The following ALK variants were observed in gnomAD, a reference collection of about 807,000 sequenced individuals.
ALK encodes the protein ALK tyrosine kinase receptor.
A neutral mutation model predicts 163.1 loss-of-function variants in ALK; 74 were observed. That is an observed-to-expected ratio of 0.45 (90% confidence interval 0.38 to 0.55). ALK has a LOEUF of 0.55. Ranked by LOEUF, ALK falls within the 20% of genes least tolerant of loss-of-function variation. The pLI is 0.00. For synonymous variants in ALK, 960 were observed against 843.2 expected (o/e 1.14, Z -2.40); for missense variants, 2,063 against 2,105.3 (o/e 0.98, Z 0.39).
At chr2:29,633,169 A>G (rs1676426780) in intron 3 of ALK, among the ~76,000 whole-genome samples, 1 of 85,246 alleles carries the variant, frequency 1.2e-5, no homozygotes, top group African/African-American at 3.3e-5. Context: ...TAAGTCCATG[A>G]TGATCCTCAT....
At chr2:29,355,149 T>G (rs1327479276) in intron 5 of ALK, among the ~76,000 whole-genome samples, 3 of 152,220 alleles carry the variant, frequency 2.0e-5, no homozygotes, top group Non-Finnish European at 4.4e-5. Flanking sequence ...GGCCGACTCA[T>G]GAGCATTTAG....
intron 1 of ALK, among the ~76,000 whole-genome samples, chr2:29,824,073 A>T (rs1332223738): frequency 6.6e-6 from 1 of 152,196 alleles, no homozygotes; most frequent in Non-Finnish European, 1.5e-5. Context: ...TCCAGTCATG[A>T]CTAACAGGAG....
chr2:29,890,208 A>T (rs1667108876), intron 1 of ALK, among the ~76,000 whole-genome samples: 1 of 152,190 alleles, frequency 6.6e-6, no homozygotes, highest in South Asian at 2.1e-4. Flanking sequence ...ACCATGTGCC[A>T]CTAGAATGAA....
At chr2:29,201,304 A>G (rs761087481) in intron 26 of ALK, among the ~76,000 whole-genome samples, 1 of 152,072 alleles carries the variant, frequency 6.6e-6, no homozygotes, top group Non-Finnish European at 1.5e-5. Flanking sequence ...AGGCAACTCA[A>G]ATTTAACATG....
Position 29,229,183 on chromosome 2 carries a change from C to T in ALK, c.2633-117G>A, listed in dbSNP as rs182982974. On this transcript the variant is annotated intron_variant, in intron 15 of 28. Transcript: ENST00000389048. Reference sequence around the variant, plus strand: ...GGGCGCCCGCACCAGCTCCAGCTCCCGGGGCCCATCTTCAGTGGGGCCTGG... The same window carrying T: ...GGGCGCCCGCACCAGCTCCAGCTCCTGGGGCCCATCTTCAGTGGGGCCTGG... The T allele has an allele frequency of 1.7e-3, 1,500 of 881,246 alleles. 3 individuals are homozygous for T. The highest frequency in any genetic ancestry group is 2.4e-3 in the Non-Finnish European group (1,303 of 534,796). 54.6% of individuals were successfully genotyped at this position (881,246 alleles called of 1,614,324 possible).
At chr2:29,626,540 C>T (rs573627910) in intron 3 of ALK, among the ~76,000 whole-genome samples, 1 of 152,252 alleles carries the variant, frequency 6.6e-6, no homozygotes, top group African/African-American at 2.4e-5. Flanking sequence ...ATAAATTACC[C>T]AGTCTTGGGT....
intron 9 of ALK, among the ~76,000 whole-genome samples, chr2:29,278,979 TG>T (rs753747158): frequency 2.9e-4 from 7 of 23,954 alleles, no homozygotes; most frequent in African/African-American, 3.9e-4. Context: ...TGTGTGTGCC[TG>T]GGGGGGGGGA....
At chr2:29,331,673 C>T (rs1667443367) in intron 5 of ALK, among the ~76,000 whole-genome samples, 1 of 152,244 alleles carries the variant, frequency 6.6e-6, no homozygotes, top group South Asian at 2.1e-4. Context: ...GAAGATGCCC[C>T]CTTGCCTGGG....
At position 29,468,853 on chromosome 2, in the gene ALK, C is replaced by CAAAA. The variant is rs70958265; in HGVS notation, c.1154+63058_1154+63061dup. Among the ~76,000 whole-genome samples, 92 of 30,922 alleles carry CAAAA rather than the reference C, an allele frequency of 3.0e-3. 7 individuals carry two copies. The highest frequency in any genetic ancestry group is 3.3e-3 in the African/African-American group (26 of 7,988). The allele number at this position is 30,922 out of a possible 152,430, so 20.3% of individuals were successfully genotyped here. On this transcript the variant is annotated intron_variant, in intron 4 of 28. Transcript: ENST00000389048. The stretch of plus-strand genomic sequence containing the variant: ...TGGGCAGTAGAGTGAGACCCTGCCT[C>CAAAA]AAAAAAAAAAAAAAAAAAAAAAAAA...
At chr2:29,260,014 T>G (rs1043076653) in intron 11 of ALK, among the ~76,000 whole-genome samples, 1 of 152,174 alleles carries the variant, frequency 6.6e-6, no homozygotes, top group Non-Finnish European at 1.5e-5. Flanking sequence ...CAGCAACACT[T>G]TATATAACAA....
At chr2:29,897,793 C>A (rs953380545) in intron 1 of ALK, among the ~76,000 whole-genome samples, 1 of 152,180 alleles carries the variant, frequency 6.6e-6, no homozygotes, top group Non-Finnish European at 1.5e-5. Flanking sequence ...AATGTCCATG[C>A]CCCTCCTGTA....
chr2:29,220,974 G>C (rs1669786941), intron 22 of ALK, 139 bp from the exon 23 acceptor site: 2 of 1,237,056 alleles, frequency 1.6e-6, no homozygotes, highest in Non-Finnish European at 2.3e-6. Flanking sequence ...GGCAGCAGGG[G>C]TCCCGGGCTG....
chr2:29,410,781 G>C (rs1437188457), intron 4 of ALK, among the ~76,000 whole-genome samples: 1 of 152,232 alleles, frequency 6.6e-6, no homozygotes, highest in Non-Finnish European at 1.5e-5. Context: ...AGGAGTGGAA[G>C]TTGGTGAGTC....
chr2:29,541,506 G>A (rs1673412324), intron 3 of ALK, among the ~76,000 whole-genome samples: 1 of 152,122 alleles, frequency 6.6e-6, no homozygotes, highest in Non-Finnish European at 1.5e-5. Flanking sequence ...GAACAGGCTG[G>A]TCTTGAACTC....
At chr2:29,849,070 G>A (rs544679436) in intron 1 of ALK, among the ~76,000 whole-genome samples, 28 of 152,134 alleles carry the variant, frequency 1.8e-4, no homozygotes, top group Admixed American at 1.6e-3. Context: ...CACCAGGAGC[G>A]TCCTCGAGCT....
rs1679645438 is a variant in ALK, at chr2:29,728,708, GC to G, written c.668-11012del. Among the ~76,000 whole-genome samples the G allele has an allele frequency of 2.0e-5, 3 of 152,266 alleles. No homozygotes were observed. In the East Asian group the frequency reaches 5.8e-4, roughly 29 times the overall value. On this transcript the variant is annotated intron_variant, in intron 1 of 28. Coordinates refer to ENST00000389048, the MANE Select transcript of ALK (RefSeq NM_004304.5). ...GGGGTAGGGTGGGAGGCTGGAGAAG[GC>G]AGGGTCTATTCCAACTCAAGTCTCT... is the stretch of plus-strand genomic sequence containing the variant.
chr2:29,505,017 T>C (rs1386712061), intron 4 of ALK, among the ~76,000 whole-genome samples: 2 of 152,182 alleles, frequency 1.3e-5, no homozygotes, highest in African/African-American at 2.4e-5. Flanking sequence ...GACCCCAGAC[T>C]ACTTGTGGCC....
intron 3 of ALK, among the ~76,000 whole-genome samples, chr2:29,596,013 G>A (rs978256260): frequency 1.3e-5 from 2 of 152,170 alleles, no homozygotes; most frequent in Non-Finnish European, 2.9e-5. Flanking sequence ...GAGAGTAAAC[G>A]AGTGTCCACT....
intron 1 of ALK, among the ~76,000 whole-genome samples, chr2:29,885,541 T>C (rs1666965849): frequency 6.8e-6 from 1 of 147,372 alleles, no homozygotes; most frequent in African/African-American, 2.5e-5. Context: ...AAGGAAATCA[T>C]GAAAGAGATT....
Sources: allele counts gnomAD v4.1 joint callset (sites outside exome capture counted in the v4.1 genomes callset), GRCh38; gene constraint gnomAD v4.1.1; transcripts MANE v1.5; gene names NCBI Gene and HGNC (gene_info 2026-07-23, HGNC 2026-07-21).